CACHD1: variants seen among roughly 807,000 people sequenced by gnomAD.
CACHD1 encodes the protein VWFA and cache domain-containing protein 1.
A neutral mutation model predicts 138.7 loss-of-function variants in CACHD1; 71 were observed. The ratio of observed to expected loss-of-function variants is 0.51; its 90% CI spans 0.42 to 0.62. The LOEUF (loss-of-function observed/expected upper bound fraction) is 0.62. CACHD1 is among the 20% of genes least tolerant of loss of function. CACHD1 has a pLI of 0.00. For synonymous variants in CACHD1, 578 were observed against 591.5 expected (o/e 0.98, Z 0.33); for missense variants, 1,389 against 1,625.3 (o/e 0.85, Z 2.50).
chr1:64,664,998 A>G (rs1364685858), intron 15 of CACHD1, among the ~76,000 whole-genome samples: 1 of 152,182 alleles, frequency 6.6e-6, no homozygotes, highest in Admixed American at 6.5e-5. Context: ...TTTACTACAC[A>G]TGATTATGGA....
At chr1:64,563,245 G>C (rs1646856135) in intron 2 of CACHD1, among the ~76,000 whole-genome samples, 1 of 149,646 alleles carries the variant, frequency 6.7e-6, no homozygotes, top group Admixed American at 6.8e-5. Flanking sequence ...TTACAGGAAA[G>C]GTTTAAAATT....
At chr1:64,604,374 AC>A (rs1216229255) in intron 4 of CACHD1, among the ~76,000 whole-genome samples, 2 of 152,208 alleles carry the variant, frequency 1.3e-5, no homozygotes, top group Admixed American at 1.3e-4. Context: ...TACAAAAATA[AC>A]AAAAGAGGGT....
intron 19 of CACHD1, among the ~76,000 whole-genome samples, chr1:64,674,474 A>G (rs1281411211): frequency 6.6e-6 from 1 of 152,178 alleles, no homozygotes; most frequent in African/African-American, 2.4e-5. Context: ...CAAAAGGCAA[A>G]TTCGAATAAT....
intron 2 of CACHD1, among the ~76,000 whole-genome samples, chr1:64,557,102 C>T (rs1480953917): frequency 7.0e-6 from 1 of 143,720 alleles, no homozygotes; most frequent in African/African-American, 2.6e-5. Flanking sequence ...GCCTGGGCAA[C>T]AGAGCAAGAC....
At chr1:64,550,777 C>T (rs1646753056) in intron 2 of CACHD1, 121 bp downstream of exon 2, 11 of 645,762 alleles carry the variant, frequency 1.7e-5, no homozygotes, top group East Asian at 5.6e-5. Context: ...TATAATTTCA[C>T]GTGCATCTCA....
intron 24 of CACHD1, among the ~76,000 whole-genome samples, chr1:64,680,600 G>T (rs1466223585): frequency 6.6e-6 from 1 of 152,102 alleles, no homozygotes; most frequent in Non-Finnish European, 1.5e-5. Flanking sequence ...TACTCTGTTT[G>T]CAGGGAACAA....
At chr1:64,507,227 A>G (rs1328349407) in intron 1 of CACHD1, among the ~76,000 whole-genome samples, 3 of 152,198 alleles carry the variant, frequency 2.0e-5, no homozygotes, top group Non-Finnish European at 4.4e-5. Flanking sequence ...CCAGCTAGAA[A>G]GGGTTCCTTT....
At chr1:64,561,070 A>G in intron 2 of CACHD1, among the ~76,000 whole-genome samples, 1 of 151,626 alleles carries the variant, frequency 6.6e-6, no homozygotes, top group East Asian at 1.9e-4. Flanking sequence ...TATAGATGAG[A>G]CTTGTTTTTT....
chr1:64,492,562 T>G (rs996403370), intron 1 of CACHD1, among the ~76,000 whole-genome samples: 1 of 151,396 alleles, frequency 6.6e-6, no homozygotes, highest in Non-Finnish European at 1.5e-5. Flanking sequence ...CTTGGAGATA[T>G]ACTCCTCCCC....
chr1:64,576,922 A>G (rs889900586), intron 2 of CACHD1, among the ~76,000 whole-genome samples: 8 of 146,578 alleles, frequency 5.5e-5, no homozygotes, highest in Non-Finnish European at 1.0e-4. Flanking sequence ...TTTTTTTTAG[A>G]ATTCTTTATA....
At chr1:64,534,125 C>T (rs1646613432) in intron 1 of CACHD1, among the ~76,000 whole-genome samples, 1 of 149,956 alleles carries the variant, frequency 6.7e-6, no homozygotes, top group Non-Finnish European at 1.5e-5. Flanking sequence ...CTCACTGCAA[C>T]CCCTGCCTCC....
intron 1 of CACHD1, among the ~76,000 whole-genome samples, chr1:64,542,246 G>T (rs2100430779): frequency 6.6e-6 from 1 of 152,248 alleles, no homozygotes; most frequent in Non-Finnish European, 1.5e-5. Flanking sequence ...GAAGTTTGTT[G>T]ACCTGGGTCA....
chr1:64,672,894 G>A (rs1281532419), intron 17 of CACHD1, among the ~76,000 whole-genome samples: 4 of 151,956 alleles, frequency 2.6e-5, no homozygotes, highest in African/African-American at 7.2e-5. Context: ...CTGGGTGAGC[G>A]CATTCTGTAT....
At chr1:64,545,479 T>C (rs1346121951) in intron 1 of CACHD1, among the ~76,000 whole-genome samples, 3 of 152,258 alleles carry the variant, frequency 2.0e-5, no homozygotes, top group African/African-American at 7.2e-5. Context: ...TATGCTAGTG[T>C]CTGGCATCTT....
At chr1:64,529,256 C>T (rs1006219957) in intron 1 of CACHD1, among the ~76,000 whole-genome samples, 1 of 152,082 alleles carries the variant, frequency 6.6e-6, no homozygotes, top group Non-Finnish European at 1.5e-5. Flanking sequence ...TCTACCTTTG[C>T]AGTAACCATA....
intron 8 of CACHD1, among the ~76,000 whole-genome samples, chr1:64,643,863 A>T (rs138085557): frequency 6.6e-6 from 1 of 152,144 alleles, no homozygotes; most frequent in African/African-American, 2.4e-5. Flanking sequence ...CAGCATAAGG[A>T]GTTTATGAAA....
intron 15 of CACHD1, 114 bp downstream of exon 15, chr1:64,664,793 G>A (rs545307100): frequency 8.0e-5 from 73 of 915,342 alleles, no homozygotes; most frequent in Non-Finnish European, 1.1e-4. Flanking sequence ...ATACTTTCAT[G>A]GTGGTGAAAA....
intron 2 of CACHD1, among the ~76,000 whole-genome samples, chr1:64,570,960 C>G (rs1646923245): frequency 6.6e-6 from 1 of 152,054 alleles, no homozygotes; most frequent in Non-Finnish European, 1.5e-5. Context: ...TCAACACTTA[C>G]AGCTATATGC....
At chr1:64,575,066 C>T (rs1445765445) in intron 2 of CACHD1, among the ~76,000 whole-genome samples, 2 of 152,186 alleles carry the variant, frequency 1.3e-5, no homozygotes, top group Non-Finnish European at 2.9e-5. Flanking sequence ...AATATTTCCC[C>T]AGTTACTACT....
Sources: allele counts gnomAD v4.1 joint callset (sites outside exome capture counted in the v4.1 genomes callset), GRCh38; gene constraint gnomAD v4.1.1; transcripts MANE v1.5; gene names NCBI Gene and HGNC (gene_info 2026-07-23, HGNC 2026-07-21).